Variants in ACOXL observed in about 807,000 individuals in gnomAD.
The protein encoded by ACOXL is acyl-coenzyme A oxidase-like protein.
A neutral mutation model predicts 71.9 loss-of-function variants in ACOXL; 70 were observed. The observed-to-expected ratio is 0.97, with a 90% confidence interval of 0.80 to 1.19. The LOEUF (loss-of-function observed/expected upper bound fraction) is 1.19. ACOXL is among the 50% of genes most tolerant of loss of function. The pLI is 0.00. For missense variants in ACOXL, 703 were observed against 736.3 expected, an observed-to-expected ratio of 0.95 and a Z score of 0.52; for synonymous variants, 253 against 281.6, an observed-to-expected ratio of 0.90 and a Z score of 1.02.
At chr2:110,930,445 A>T (rs755897836) in intron 11 of ACOXL, among the ~76,000 whole-genome samples, 1 of 152,222 alleles carries the variant, frequency 6.6e-6, no homozygotes, top group South Asian at 2.1e-4. Context: ...GGTGGAAGGG[A>T]CTTGCTTTGA....
intron 8 of ACOXL, 98 bp from the exon 9 acceptor site, chr2:110,805,165 G>T: frequency 6.8e-7 from 1 of 1,476,550 alleles, no homozygotes; most frequent in South Asian, 1.3e-5. Flanking sequence ...GGGGAAATCC[G>T]AGTGCTTCCC....
intron 10 of ACOXL, chr2:110,886,938 C>A: frequency 6.8e-7 from 1 of 1,478,532 alleles, no homozygotes; most frequent in Non-Finnish European, 9.2e-7. Context: ...TTTCCCGTGG[C>A]AGATCCCTAT....
At chr2:110,858,292 T>C (rs1573865043) in intron 10 of ACOXL, among the ~76,000 whole-genome samples, 1 of 152,204 alleles carries the variant, frequency 6.6e-6, no homozygotes. Context: ...ATCCTTTCGA[T>C]GTTAGAGAAC....
chr2:110,821,977 G>A (rs545561247), intron 9 of ACOXL, among the ~76,000 whole-genome samples: 40 of 151,864 alleles, frequency 2.6e-4, no homozygotes, highest in Admixed American at 4.6e-4. Context: ...GAGTGTGTGC[G>A]TGCGTGTGTG....
intron 1 of ACOXL, among the ~76,000 whole-genome samples, chr2:110,760,161 ATGGAGTCTC>A: frequency 7.0e-6 from 1 of 143,626 alleles, no homozygotes; most frequent in South Asian, 2.2e-4. Flanking sequence ...TTTTTTTGAG[ATGGAGTCTC>A]ACTCTGTTGC....
chr2:110,805,316 G>A lies in ACOXL; in HGVS notation c.674G>A (p.Ser225Asn), dbSNP rs531804513. 2.4e-5 allele frequency: 39 copies of A among 1,614,248 alleles called. No individual in the cohort carries two copies. In the Admixed American group the frequency reaches 6.2e-4, roughly 26 times the overall value. Residue 225 changes from serine to asparagine, a missense_variant, in exon 9 of 18, where the codon AGT (serine) becomes AAT (asparagine). Transcript: ENST00000439055. ...GQYHSPIRNK[S>N]ARFNAMLAAL... ...TACCATTCGCCTATTAGGAACAAGAGTGCAAGATTCAATGCCATGCTGGCA... is the reference window on the plus strand; with the variant it reads ...TACCATTCGCCTATTAGGAACAAGAATGCAAGATTCAATGCCATGCTGGCA...
chr2:110,824,463 T>C (rs1018501301), intron 9 of ACOXL, among the ~76,000 whole-genome samples: 1 of 152,200 alleles, frequency 6.6e-6, no homozygotes, highest in African/African-American at 2.4e-5. Context: ...ATCCTCTAAT[T>C]CATTGATATG....
In ACOXL at chr2:110,799,751, C is replaced by T. The variant is rs191167577; in HGVS notation, c.547+651C>T. 1.4e-3 allele frequency among the ~76,000 whole-genome samples: 219 copies of T among 152,202 alleles called. 3 individuals carry two copies. Among genetic ancestry groups the T allele is most frequent in the Admixed American group, 0.014 (209 of 15,286 alleles). On this transcript the variant is annotated intron_variant, in intron 7 of 17. Coordinates refer to ENST00000439055, the MANE Select transcript of ACOXL (RefSeq NM_001142807.4). ...GCACTCTGTAGCTAGGATTGTGAAA[C>T]GCACCAGTCAGTGCTCTGTAGCTAG...
At chr2:110,856,036 C>T (rs1388016155) in intron 10 of ACOXL, among the ~76,000 whole-genome samples, 2 of 152,146 alleles carry the variant, frequency 1.3e-5, no homozygotes, top group Non-Finnish European at 2.9e-5. Flanking sequence ...TAGGATTCTG[C>T]TGATTGGTGC....
chr2:111,007,506 T>C (rs2063932943), intron 14 of ACOXL, among the ~76,000 whole-genome samples: 2 of 152,350 alleles, frequency 1.3e-5, no homozygotes, highest in South Asian at 4.1e-4. Context: ...ATGATTTATT[T>C]ATTTTCTTGC....
intron 1 of ACOXL, among the ~76,000 whole-genome samples, chr2:110,757,538 T>C (rs1326937615): frequency 6.6e-6 from 1 of 152,148 alleles, no homozygotes; most frequent in Non-Finnish European, 1.5e-5. Flanking sequence ...GTGTTCCTCG[T>C]TCTCCGCAAC....
At chr2:110,840,450 A>G (rs2105745196) in intron 9 of ACOXL, among the ~76,000 whole-genome samples, 1 of 152,358 alleles carries the variant, frequency 6.6e-6, no homozygotes, top group South Asian at 2.1e-4. Context: ...ACACAGAGAT[A>G]AGAACACACA....
chr2:111,101,676 T>A (rs1001738922), intron 17 of ACOXL, among the ~76,000 whole-genome samples: 21 of 151,604 alleles, frequency 1.4e-4, no homozygotes, highest in African/African-American at 5.1e-4. Flanking sequence ...AAAAACTGTT[T>A]CCCTCACCTC....
chr2:110,933,048 T>A (rs2060534395), intron 11 of ACOXL, among the ~76,000 whole-genome samples: 1 of 152,254 alleles, frequency 6.6e-6, no homozygotes, highest in Admixed American at 6.5e-5. Context: ...ATTTTTCTTT[T>A]GACCTATTTC....
intron 16 of ACOXL, among the ~76,000 whole-genome samples, chr2:111,060,372 G>C (rs1346318977): frequency 6.6e-6 from 1 of 152,156 alleles, no homozygotes; most frequent in East Asian, 1.9e-4. Flanking sequence ...CATCTGGGGA[G>C]CAGAAATTAG....
In ACOXL at chr2:110,776,817, G is replaced by A. The variant is rs559974501; in HGVS notation, c.76-7915G>A. Reference sequence around the variant, plus strand: ...GCAGGACCTGTCTGACTGGGTCTCCGGGCTGCTGGCTTAGAAATATACTAT... The same window carrying A: ...GCAGGACCTGTCTGACTGGGTCTCCAGGCTGCTGGCTTAGAAATATACTAT... On this transcript the variant is annotated intron_variant, in intron 2 of 17. Transcript: ENST00000439055. Among the ~76,000 whole-genome samples, 12 of 152,114 alleles carry A rather than the reference G, an allele frequency of 7.9e-5. No individual in the cohort carries two copies. In the South Asian group the frequency reaches 1.7e-3, roughly 21 times the overall value.
intron 2 of ACOXL, among the ~76,000 whole-genome samples, chr2:110,779,381 G>A (rs1211544661): frequency 6.6e-6 from 1 of 152,142 alleles, no homozygotes; most frequent in Non-Finnish European, 1.5e-5. Flanking sequence ...CATTGGAGGT[G>A]TTCACTATGG....
chr2:111,022,573 G>A (rs1337823482), intron 14 of ACOXL, among the ~76,000 whole-genome samples: 1 of 152,084 alleles, frequency 6.6e-6, no homozygotes, highest in Non-Finnish European at 1.5e-5. Context: ...ACATCTGTCA[G>A]GATACCCCCA....
intron 2 of ACOXL, among the ~76,000 whole-genome samples, chr2:110,768,861 A>G (rs1681488216): frequency 6.7e-6 from 1 of 149,052 alleles, no homozygotes; most frequent in African/African-American, 2.5e-5. Flanking sequence ...TGCTTTTGTG[A>G]CTTGCTAAGC....
Sources: gnomAD v4.1 joint callset for allele counts (sites outside exome capture counted in the v4.1 genomes callset) on GRCh38, gnomAD v4.1.1 for gene constraint, MANE v1.5 for transcripts, NCBI Gene and HGNC (gene_info 2026-07-23, HGNC 2026-07-21) for gene names.